The following NBPF14 variants were observed in gnomAD, a reference collection of about 807,000 sequenced individuals.
The protein encoded by NBPF14 is NBPF member 14.
In NBPF14, 104 loss-of-function variants were observed where a neutral mutation model predicts 91.2. The ratio of observed to expected loss-of-function variants is 1.14; its 90% confidence interval spans 0.97 to 1.34. The LOEUF is 1.34. NBPF14 is among the 40% of genes most tolerant of loss of function. NBPF14 has a pLI of 0.00. For synonymous variants in NBPF14, 294 were observed against 303.8 expected (o/e 0.97, Z 0.34); for missense variants, 908 against 783.0 (o/e 1.16, Z -1.91).
At chr1:148,533,564 C>T (rs1333738364) in intron 70 of NBPF14, among the ~76,000 whole-genome samples, 945 of 145,126 alleles carry the variant, frequency 6.5e-3, no homozygotes, top group African/African-American at 0.026. Context: ...ACACAGCAAA[C>T]TGTGATCATG....
chr1:148,576,606 G>C, intron 15 of NBPF14, 145 bp from the exon 16 acceptor site: 1 of 298,106 alleles, frequency 3.4e-6, no homozygotes, highest in Admixed American at 5.2e-5. Context: ...CAGGAGGCCT[G>C]AAGGCTGATC....
intron 6 of NBPF14, among the ~76,000 whole-genome samples, chr1:148,589,734 T>G (rs1264090592): frequency 7.1e-6 from 1 of 140,966 alleles, no homozygotes; most frequent in East Asian, 2.0e-4. Context: ...TCTTTTTTGG[T>G]TTTTTGTTTT....
At position 148,595,425 on chromosome 1, in the gene NBPF14, G is replaced by A. The variant is rs1663163122; in HGVS notation, c.175+118C>T. 1.1e-5 allele frequency: 15 copies of A among 1,326,780 alleles called. 1 individual carries two copies. In the South Asian group the frequency reaches 1.6e-4, roughly 14 times the overall value. 82.2% of individuals were successfully genotyped at this position (1,326,780 alleles called of 1,614,324 possible). ...ACAAAATGTTAAAATACCCATTTCT[G>A]TTTTCTTAGAAGTACAGGAAGGATG... On this transcript the variant is annotated intron_variant, in intron 2 of 70. Coordinates refer to ENST00000619423, the Ensembl canonical transcript of NBPF14.
chr1:148,577,832 C>T (rs1206415708), intron 14 of NBPF14, among the ~76,000 whole-genome samples, 151 bp downstream of exon 14: 2 of 137,440 alleles, frequency 1.5e-5, no homozygotes, highest in Admixed American at 1.5e-4. Context: ...TAAACATTTA[C>T]TCTAATGAGA....
In NBPF14 at chr1:148,559,608, C is replaced by T. The variant is rs1657306602; in HGVS notation, c.4729+185G>A. Among the ~76,000 whole-genome samples, 2 of 124,636 alleles carry T rather than the reference C, an allele frequency of 1.6e-5. 1 individual carries two copies. The highest frequency in any genetic ancestry group is 1.6e-4 in the Admixed American group (2 of 12,696). 81.8% of individuals were successfully genotyped at this position (124,636 alleles called of 152,430 possible). A position where few individuals can be genotyped will look rare whatever the true frequency, so the allele number is the denominator to read the frequency against. ...GCCTGAGACTAGGAAGAGAGCCTTG[C>T]TCACTGACCCATCCCTTGTCTGGGC... is the stretch of plus-strand genomic sequence containing the variant. On this transcript the variant is annotated intron_variant, in intron 37 of 70. Coordinates refer to ENST00000619423, the Ensembl canonical transcript of NBPF14.
Position 148,559,923 on chromosome 1 carries a change from C to G in NBPF14, c.4599G>C (p.Leu1533Phe), listed in dbSNP as rs1570945713. 2.0e-5 allele frequency: 27 copies of G among 1,345,694 alleles called. 3 individuals are homozygous for G. The Middle Eastern group carries it at 1.8e-3, about 90-fold the overall frequency. 83.4% of individuals were successfully genotyped at this position (1,345,694 alleles called of 1,614,324 possible). A position where few individuals can be genotyped will look rare whatever the true frequency, so the allele number is the denominator to read the frequency against. The change falls in exon 37 of 71, where the codon TTG (leucine) becomes TTC (phenylalanine). Residue 1533 changes from leucine to phenylalanine, a missense_variant. By Grantham distance (22) the Leu-to-Phe change is conservative. Around this residue, in one of 13 missense-constraint regions of NBPF14, gnomAD observed 447 missense variants for 189.1 expected, o/e 2.36. Transcript: ENST00000619423. ...AATAACATCTATCCAGTGAGTCCTG[C>G]AAGACTTCAGGCCCTTTCTCATGCA...
chr1:148,535,171 T>G (rs1186414290), intron 68 of NBPF14, among the ~76,000 whole-genome samples: 5 of 149,686 alleles, frequency 3.3e-5, no homozygotes, highest in African/African-American at 7.6e-5. Flanking sequence ...ACAGTGATCA[T>G]GAAAAGAGGG....
Position 148,557,583 on chromosome 1 carries a change from T to C in NBPF14, c.4955-41A>G. 2 of 643,766 alleles carry C rather than the reference T, an allele frequency of 3.1e-6. 1 individual carries two copies. The highest frequency in any genetic ancestry group is 3.3e-5 in the South Asian group (2 of 60,112). 39.9% of individuals were successfully genotyped at this position (643,766 alleles called of 1,614,324 possible). A position where few individuals can be genotyped will look rare whatever the true frequency, so the allele number is the denominator to read the frequency against. ...ACAGGGACAGACAAAATAAGCCAAT[T>C]CACCTACACCCATAACAGTCCACTG... On this transcript the variant is annotated intron_variant, in intron 39 of 70. Transcript: ENST00000619423.
rs1657420011 is a variant in NBPF14, at chr1:148,559,973, A to T, written c.4557-8T>A. ...AGCAGCTCCCTGCTGAGCCTGGAAA[A>T]GTGGAAAAAAGTAAAGAATAAGCCA... is the stretch of plus-strand genomic sequence containing the variant. On this transcript the variant is annotated splice_region_variant and splice_polypyrimidine_tract_variant and intron_variant, in intron 36 of 70. Coordinates refer to ENST00000619423, the Ensembl canonical transcript of NBPF14. 4.7e-6 allele frequency: 6 copies of T among 1,280,414 alleles called. No homozygotes were observed. The highest frequency in any genetic ancestry group is 2.1e-5 in the African/African-American group (1 of 48,180). 79.3% of individuals were successfully genotyped at this position (1,280,414 alleles called of 1,614,324 possible). A position where few individuals can be genotyped will look rare whatever the true frequency, so the allele number is the denominator to read the frequency against.
intron 4 of NBPF14, among the ~76,000 whole-genome samples, 164 bp from the exon 5 acceptor site, chr1:148,591,668 C>G (rs1477111907): frequency 6.7e-6 from 1 of 148,170 alleles, no homozygotes; most frequent in Non-Finnish European, 1.5e-5. Context: ...TTTCCTGGTC[C>G]ATCGGGCAAT....
At position 148,533,821 on chromosome 1, in the gene NBPF14, G is replaced by C. The variant is rs1453684930; in HGVS notation, c.8723+40C>G. On this transcript the variant is annotated intron_variant, in intron 70 of 70. Transcript: ENST00000619423. ...TTCCCTGAATCTGTTGCCTCCAGGA[G>C]TTAACACAGAACTAAGGATCCACAA... 1.7e-5 allele frequency: 13 copies of C among 768,114 alleles called. No individual in the cohort carries two copies. In the East Asian group the frequency reaches 2.4e-4, roughly 14 times the overall value. The allele number at this position is 768,114 out of a possible 1,614,324, so 47.6% of individuals were successfully genotyped here.
At position 148,559,745 on chromosome 1, in the gene NBPF14, A is replaced by C. The variant is rs1406531019; in HGVS notation, c.4729+48T>G. The C allele has an allele frequency of 4.4e-5, 45 of 1,026,892 alleles. 1 individual carries two copies. In the Middle Eastern group the frequency reaches 1.6e-3, roughly 36 times the overall value. The allele number at this position is 1,026,892 out of a possible 1,614,324, so 63.6% of individuals were successfully genotyped here. A position where few individuals can be genotyped will look rare whatever the true frequency, so the allele number is the denominator to read the frequency against. ...CACTTGCAGTAGGAATATGACCCTA[A>C]CCAGAAGACTCAGTGGATCCTTATC... On this transcript the variant is annotated intron_variant, in intron 37 of 70. Coordinates refer to ENST00000619423, the Ensembl canonical transcript of NBPF14.
intron 14 of NBPF14, among the ~76,000 whole-genome samples, 177 bp downstream of exon 14, chr1:148,577,806 G>T (rs1660201048): frequency 7.2e-6 from 1 of 137,974 alleles, no homozygotes; most frequent in Admixed American, 7.4e-5. Context: ...GATAAGGGTA[G>T]GAAGAAATGG....
At chr1:148,577,647 CTG>C (rs1352630824) in intron 14 of NBPF14, among the ~76,000 whole-genome samples, 1 of 148,974 alleles carries the variant, frequency 6.7e-6, no homozygotes, top group Non-Finnish European at 1.5e-5. Flanking sequence ...AAAGGACACT[CTG>C]TATTTGTGCT....
At chr1:148,592,922 T>C (rs1361544880) in intron 3 of NBPF14, among the ~76,000 whole-genome samples, 156 bp from the exon 4 acceptor site, 6 of 124,094 alleles carry the variant, frequency 4.8e-5, no homozygotes, top group African/African-American at 1.7e-4. Flanking sequence ...AGAGAAAGAA[T>C]AGAAAATGGT....
At chr1:148,534,777 C>G (rs1432293226) in exon 69 of NBPF14, 15 of 845,026 alleles carry the variant, frequency 1.8e-5, no homozygotes, top group Non-Finnish European at 2.7e-5. Flanking sequence ...TCAAGATAAC[C>G]TGAAGGAGTC....
At chr1:148,589,864 C>T (rs1662162542) in intron 6 of NBPF14, among the ~76,000 whole-genome samples, 1 of 147,770 alleles carries the variant, frequency 6.8e-6, no homozygotes, top group African/African-American at 2.5e-5. Context: ...TGCCAAGCAT[C>T]TGGGATTACA....
intron 70 of NBPF14, among the ~76,000 whole-genome samples, chr1:148,533,622 T>A (rs1291795590): frequency 6.8e-5 from 10 of 147,122 alleles, no homozygotes; most frequent in Non-Finnish European, 5.9e-5. Context: ...CAAAATTCGA[T>A]GCAGTGGCCA....
chr1:148,577,558 A>T (rs1660085033), intron 14 of NBPF14, among the ~76,000 whole-genome samples: 1 of 150,704 alleles, frequency 6.6e-6, no homozygotes, highest in Admixed American at 6.6e-5. Context: ...ACACACACAC[A>T]CACACACACA....
Sources: allele counts gnomAD v4.1 joint callset (sites outside exome capture counted in the v4.1 genomes callset), GRCh38; gene constraint gnomAD v4.1.1; regional missense constraint gnomAD v4.1.1; transcripts MANE v1.5; gene names NCBI Gene and HGNC (gene_info 2026-07-23, HGNC 2026-07-21).